Variants in MICAL3 observed in about 807,000 individuals in gnomAD.
The protein encoded by MICAL3 is [F-actin]-monooxygenase MICAL3.
MICAL3 carries 62 observed loss-of-function variants against 207.4 expected under a neutral mutation model. The observed-to-expected ratio is 0.30, with a 90% CI of 0.24 to 0.37. The LOEUF (loss-of-function observed/expected upper bound fraction) is 0.37. Ranked by LOEUF, MICAL3 falls within the 10% of genes least tolerant of loss-of-function variation. The pLI is 1.00. For synonymous variants in MICAL3, 1,077 were observed against 1,069.3 expected, an observed-to-expected ratio of 1.01 and a Z score of -0.14; for missense variants, 2,368 against 2,635.6, an observed-to-expected ratio of 0.90 and a Z score of 2.22.
chr22:17,950,337 GTTTTTTTTT>G (rs764642603), intron 1 of MICAL3, among the ~76,000 whole-genome samples: 2 of 89,334 alleles, frequency 2.2e-5, no homozygotes, highest in African/African-American at 3.8e-5. Flanking sequence ...TTTTGTTTTT[GTTTTTTTTT>G]TTTTTTTTTT....
chr22:17,997,160 C>G (rs111306386), intron 1 of MICAL3, among the ~76,000 whole-genome samples: 2 of 147,794 alleles, frequency 1.4e-5, no homozygotes, highest in African/African-American at 5.0e-5. Context: ...GCCTCCTGAG[C>G]GCAGGCAATC....
intron 11 of MICAL3, among the ~76,000 whole-genome samples, chr22:17,892,539 C>T (rs372191830): frequency 2.0e-5 from 3 of 152,140 alleles, no homozygotes; most frequent in South Asian, 2.1e-4. Context: ...ATGTATTCTG[C>T]GATAACACAT....
intron 27 of MICAL3, among the ~76,000 whole-genome samples, chr22:17,816,166 G>C (rs182353983): frequency 2.2e-3 from 339 of 152,354 alleles, no homozygotes; most frequent in African/African-American, 7.6e-3. Context: ...CTGGGCTCTG[G>C]AAAGTGAGGG....
Position 17,945,007 on chromosome 22 carries a change from CCT to C in MICAL3, c.-74-38123_-74-38122del, listed in dbSNP as rs146117508. 4.4e-3 allele frequency among the ~76,000 whole-genome samples: 511 copies of C among 116,174 alleles called. 3 individuals are homozygous for C. Among genetic ancestry groups the C allele is most frequent in the African/African-American group, 0.015 (475 of 32,694 alleles). 76.2% of individuals were successfully genotyped at this position (116,174 alleles called of 152,430 possible). On this transcript the variant is annotated intron_variant, in intron 1 of 31. Coordinates refer to ENST00000441493, the MANE Select transcript of MICAL3 (RefSeq NM_015241.3). ...AAGTTCGCACTCAGGCACTGGGGGA[CCT>C]TTTTTTTTTTTTTTTTCAACAGTAT...
intron 7 of MICAL3, 36 bp from the exon 8 acceptor site, chr22:17,897,017 A>G (rs764750509): frequency 1.3e-6 from 2 of 1,580,682 alleles, no homozygotes; most frequent in East Asian, 2.2e-5. Context: ...GGGATGGAGA[A>G]GCTCTGGCAC....
chr22:17,967,785 G>A (rs1238588028), intron 1 of MICAL3, among the ~76,000 whole-genome samples: 4 of 152,130 alleles, frequency 2.6e-5, no homozygotes, highest in Non-Finnish European at 5.9e-5. Context: ...GGTGGCTCAC[G>A]CCTGTAATCC....
Position 17,949,308 on chromosome 22 carries a change from C to T in MICAL3, c.-74-42422G>A, listed in dbSNP as rs556333236. On this transcript the variant is annotated intron_variant, in intron 1 of 31. Transcript: ENST00000441493. Reference sequence around the variant, plus strand: ...GCTCTGGCTAAGTACATACACCCAGCTACCACTCATGGCCAAACACTGTGA... The same window carrying T: ...GCTCTGGCTAAGTACATACACCCAGTTACCACTCATGGCCAAACACTGTGA... Among the ~76,000 whole-genome samples, 5 of 152,342 alleles carry T rather than the reference C, an allele frequency of 3.3e-5. No homozygotes were observed. In the South Asian group the frequency reaches 6.2e-4, roughly 19 times the overall value.
chr22:17,881,101 G>C, intron 16 of MICAL3: 1 of 977,630 alleles, frequency 1.0e-6, no homozygotes, highest in South Asian at 1.4e-5. Context: ...CTTCTTGATA[G>C]TTATTGCTGG....
chr22:17,960,123 C>T (rs1406723002), intron 1 of MICAL3, among the ~76,000 whole-genome samples: 3 of 152,168 alleles, frequency 2.0e-5, no homozygotes, highest in Non-Finnish European at 4.4e-5. Flanking sequence ...CATCTTCCCT[C>T]CAGGCTGAGC....
chr22:17,992,785 C>T (rs1363248675), intron 1 of MICAL3, among the ~76,000 whole-genome samples: 2 of 152,180 alleles, frequency 1.3e-5, no homozygotes, highest in Non-Finnish European at 2.9e-5. Context: ...CTTCCTTTTG[C>T]TCCCTGAACA....
intron 1 of MICAL3, among the ~76,000 whole-genome samples, chr22:18,001,963 C>T (rs991299655): frequency 6.6e-6 from 1 of 150,468 alleles, no homozygotes; most frequent in Admixed American, 6.6e-5. Flanking sequence ...TTTGGGGAGC[C>T]GAGGCATGCG....
chr22:17,879,974 G>A (rs1211317499), intron 16 of MICAL3, among the ~76,000 whole-genome samples: 2 of 152,206 alleles, frequency 1.3e-5, no homozygotes, highest in Non-Finnish European at 2.9e-5. Flanking sequence ...CTGCAGGTAG[G>A]GACATGGCCT....
chr22:17,972,103 T>C (rs1363560818), intron 1 of MICAL3, among the ~76,000 whole-genome samples: 1 of 152,230 alleles, frequency 6.6e-6, no homozygotes, highest in Non-Finnish European at 1.5e-5. Context: ...TAAGAACACA[T>C]GCTCAGTTCA....
chr22:17,924,368 A>G (rs921428846), intron 1 of MICAL3, among the ~76,000 whole-genome samples: 3 of 152,100 alleles, frequency 2.0e-5, no homozygotes, highest in South Asian at 4.2e-4. Context: ...GATTAAATAT[A>G]CCGCCTTGAG....
Position 17,790,690 on chromosome 22 carries a change from G to C in MICAL3, c.*42C>G. The C allele has an allele frequency of 6.5e-7, 1 of 1,539,270 alleles. No homozygotes were observed. The stretch of plus-strand genomic sequence containing the variant: ...CGGGTGGTTTGGATGCCACTGCCTG[G>C]CCAGGCGGATGCCAACAGAAAATGG... On this transcript the variant is annotated 3_prime_UTR_variant, in exon 32 of 32. Coordinates refer to ENST00000441493, the MANE Select transcript of MICAL3 (RefSeq NM_015241.3).
rs1157709518 is a variant in MICAL3, at chr22:17,993,053, A to G, written c.-75+31228T>C. Among the ~76,000 whole-genome samples the G allele has an allele frequency of 2.0e-5, 3 of 152,160 alleles. No homozygotes were observed. The South Asian group carries it at 6.2e-4, about 32-fold the overall frequency. ...GAAAGTTTATTTGTTTTTCCTACCC[A>G]TGCAAGGGTGGTTTTGAGAAAGCCT... On this transcript the variant is annotated intron_variant, in intron 1 of 31. Transcript: ENST00000441493.
At position 17,926,686 on chromosome 22, in the gene MICAL3, C is replaced by T. The variant is rs1008817210; in HGVS notation, c.-74-19800G>A. ...GGTGTTGGCCTCCACACCGCTCCTA[C>T]TTCCCACTGCAAAAGGCCGGAGGCG... On this transcript the variant is annotated intron_variant, in intron 1 of 31. Coordinates refer to ENST00000441493, the MANE Select transcript of MICAL3 (RefSeq NM_015241.3). Among the ~76,000 whole-genome samples the T allele has an allele frequency of 3.3e-5, 5 of 152,364 alleles. 1 individual carries two copies. The highest frequency in any genetic ancestry group is 6.8e-3 in the Middle Eastern group (2 of 294).
At chr22:17,881,175 C>A (rs766308213) in intron 16 of MICAL3, 1 of 1,574,482 alleles carries the variant, frequency 6.4e-7, no homozygotes, top group Non-Finnish European at 8.7e-7. Context: ...CAGACAGAGA[C>A]AGGAACATGG....
rs775705111 is a variant in MICAL3, at chr22:17,810,780, T to C, written c.5479A>G (p.Lys1827Glu). 6.2e-7 allele frequency: 1 copy of C among 1,614,026 alleles called. No individual in the cohort carries two copies. Among genetic ancestry groups the C allele is most frequent in the South Asian group, 1.1e-5 (1 of 91,088 alleles). Residue 1827 changes from lysine (K) to glutamate (E), a missense_variant, in exon 28 of 32, where the codon AAG becomes GAG. Around this residue, in one of 4 missense-constraint regions of MICAL3, gnomAD observed 1,770 missense variants for 1,863.2 expected, o/e 0.95. Coordinates refer to ENST00000441493, the MANE Select transcript of MICAL3 (RefSeq NM_015241.3). The part of the protein sequence containing the change: ...RTYTEEELNA[K>E]LTRRVQKAAR... ...GCCTTTTGCACACGCCGGGTCAGCTTGGCATTCAGTTCCTCCTCCGTGTAG... is the reference window on the plus strand; with the variant it reads ...GCCTTTTGCACACGCCGGGTCAGCTCGGCATTCAGTTCCTCCTCCGTGTAG...
Sources: gnomAD v4.1 joint callset for allele counts (sites outside exome capture counted in the v4.1 genomes callset) on GRCh38, gnomAD v4.1.1 for gene constraint, gnomAD v4.1.1 regional missense constraint, MANE v1.5 for transcripts, NCBI Gene and HGNC (gene_info 2026-07-23, HGNC 2026-07-21) for gene names.